Variants in PCDHGB1 observed in about 807,000 individuals in gnomAD.
The protein encoded by PCDHGB1 is protocadherin gamma subfamily B, 1.
Under a neutral mutation model 56.6 loss-of-function variants are expected in PCDHGB1, and 34 were observed. The observed-to-expected ratio is 0.60, with a 90% CI of 0.46 to 0.80. The LOEUF is 0.80. Ranked by LOEUF, PCDHGB1 falls within the 30% of genes least tolerant of loss-of-function variation. The probability of loss-of-function intolerance (pLI) is 0.00; values close to 1 mark genes in which losing one functional copy is unlikely to be tolerated. For synonymous variants in PCDHGB1, 561 were observed against 505.9 expected, an observed-to-expected ratio of 1.11 and a Z score of -1.46; for missense variants, 1,278 against 1,204.6, an observed-to-expected ratio of 1.06 and a Z score of -0.90.
At chr5:141,405,804 C>T (rs1277295024) in intron 1 of PCDHGB1, among the ~76,000 whole-genome samples, 1 of 146,338 alleles carries the variant, frequency 6.8e-6, no homozygotes, top group Non-Finnish European at 1.5e-5. Context: ...AGTTAGCTTT[C>T]TCTTTAACTG....
At chr5:141,484,866 C>T in intron 1 of PCDHGB1, 1 of 275,618 alleles carries the variant, frequency 3.6e-6, no homozygotes, top group Non-Finnish European at 6.8e-6. Flanking sequence ...GGTGGGGGAG[C>T]GTGGAGGATA....
chr5:141,509,024 C>T (rs2099873840), intron 3 of PCDHGB1, among the ~76,000 whole-genome samples: 1 of 152,108 alleles, frequency 6.6e-6, no homozygotes, highest in African/African-American at 2.4e-5. Flanking sequence ...GCTGCTCCCT[C>T]CCACTCAACC....
intron 1 of PCDHGB1, chr5:141,365,905 G>A (rs539434078): frequency 1.2e-6 from 2 of 1,614,190 alleles, no homozygotes; most frequent in East Asian, 2.2e-5. Flanking sequence ...ATGAGCAGTT[G>A]AGAGACCTAC....
intron 1 of PCDHGB1, chr5:141,374,351 A>T (rs1770409199): frequency 6.2e-7 from 1 of 1,614,022 alleles, no homozygotes; most frequent in South Asian, 1.1e-5. Flanking sequence ...CGCGGGTAGG[A>T]TAGACCGCGA....
chr5:141,378,535 T>C (rs1235721694), intron 1 of PCDHGB1: 1 of 152,092 alleles, frequency 6.6e-6, no homozygotes, highest in Non-Finnish European at 1.5e-5. Context: ...AAAATAATAA[T>C]GATAATTAAT....
intron 1 of PCDHGB1, chr5:141,400,071 GC>G: frequency 6.2e-7 from 1 of 1,613,942 alleles, no homozygotes; most frequent in Non-Finnish European, 8.5e-7. Flanking sequence ...GTGGACAGCC[GC>G]CACTCTCCGC....
chr5:141,408,055 C>T lies in PCDHGB1; in HGVS notation c.2409+55386C>T, dbSNP rs1012762205. 35 of 1,299,012 alleles carry T rather than the reference C, an allele frequency of 2.7e-5. No homozygotes were observed. In the South Asian group the frequency reaches 3.8e-4, roughly 14 times the overall value. 80.5% of individuals were successfully genotyped at this position (1,299,012 alleles called of 1,614,324 possible). On this transcript the variant is annotated intron_variant, in intron 1 of 3. Coordinates refer to ENST00000523390, the MANE Select transcript of PCDHGB1 (RefSeq NM_018922.3). ...AAAACCAGCTCCCACACAGAGCCTCCCGGCTGCGCAGACCTTTCCCAGCAC... is the reference window on the plus strand; with the variant it reads ...AAAACCAGCTCCCACACAGAGCCTCTCGGCTGCGCAGACCTTTCCCAGCAC...
intron 1 of PCDHGB1, chr5:141,357,149 G>T (rs1760487529): frequency 1.2e-6 from 2 of 1,613,452 alleles, no homozygotes; most frequent in African/African-American, 2.7e-5. Context: ...CAGGACCATG[G>T]CCAGCCCCCT....
intron 1 of PCDHGB1, among the ~76,000 whole-genome samples, chr5:141,438,370 A>G (rs2097956460): frequency 1.3e-5 from 2 of 152,004 alleles, no homozygotes; most frequent in South Asian, 4.2e-4. Context: ...CATTGAGGGC[A>G]GATATAATTT....
At position 141,351,795 on chromosome 5, in the gene PCDHGB1, C is replaced by T. The variant is rs765923211; in HGVS notation, c.1535C>T (p.Ala512Val). 9 of 1,613,360 alleles carry T rather than the reference C, an allele frequency of 5.6e-6. 1 individual carries two copies. In the East Asian group the frequency reaches 6.7e-5, roughly 12 times the overall value. ...SVSPQSGVVFAQRAFDHEQLR... is the reference protein window; with the variant it reads ...SVSPQSGVVFVQRAFDHEQLR... Reference sequence around the variant, plus strand: ...AGCCCGCAGAGCGGGGTGGTGTTCGCGCAGCGCGCCTTCGACCACGAGCAG... The same window carrying T: ...AGCCCGCAGAGCGGGGTGGTGTTCGTGCAGCGCGCCTTCGACCACGAGCAG... Residue 512 changes from alanine to valine, a missense_variant, in exon 1 of 4, where the codon GCG (alanine) becomes GTG (valine). Physicochemically the swap from Ala to Val is moderately conservative, Grantham distance 64. Coordinates refer to ENST00000523390, the MANE Select transcript of PCDHGB1 (RefSeq NM_018922.3).
Position 141,377,206 on chromosome 5 carries a change from C to T in PCDHGB1, c.2409+24537C>T, listed in dbSNP as rs192772101. The T allele has an allele frequency of 1.8e-4, 28 of 152,284 alleles. No individual in the cohort carries two copies. In the East Asian group the frequency reaches 2.5e-3, roughly 14 times the overall value. 9.4% of individuals were successfully genotyped at this position (152,284 alleles called of 1,614,324 possible). ...AACTATTTGTGTCTTGGATTGAGTA[C>T]ATCTCGTTTCTTAGGTTTTTTCCTA... On this transcript the variant is annotated intron_variant, in intron 1 of 3. Coordinates refer to ENST00000523390, the MANE Select transcript of PCDHGB1 (RefSeq NM_018922.3).
At chr5:141,405,436 T>C (rs2094666141) in intron 1 of PCDHGB1, 1 of 1,458,154 alleles carries the variant, frequency 6.9e-7, no homozygotes. Flanking sequence ...TGTTTTGTTT[T>C]TGAGACAGAG....
intron 1 of PCDHGB1, among the ~76,000 whole-genome samples, chr5:141,474,294 G>A (rs535055214): frequency 1.3e-5 from 2 of 152,296 alleles, no homozygotes; most frequent in African/African-American, 4.8e-5. Context: ...CTAGATCAGT[G>A]CTTGTCAAAC....
At chr5:141,379,593 AC>A (rs1775703652) in intron 1 of PCDHGB1, 1 of 152,152 alleles carries the variant, frequency 6.6e-6, no homozygotes, top group Non-Finnish European at 1.5e-5. Flanking sequence ...TTCTCTTATT[AC>A]CTGTGACCAT....
chr5:141,366,298 C>A, intron 1 of PCDHGB1: 1 of 1,613,766 alleles, frequency 6.2e-7, no homozygotes, highest in Non-Finnish European at 8.5e-7. Flanking sequence ...CTCTGTCAGC[C>A]ACCTTCACGG....
chr5:141,374,437 C>A (rs549456032), intron 1 of PCDHGB1: 1 of 1,613,846 alleles, frequency 6.2e-7, no homozygotes, highest in South Asian at 1.1e-5. Flanking sequence ...ATCTTTATCC[C>A]GTGGAAGTGG....
chr5:141,392,914 C>G (rs2092626800), intron 1 of PCDHGB1: 1 of 1,613,786 alleles, frequency 6.2e-7, no homozygotes. Context: ...ATTCGCTACT[C>G]TGTGCCAGAA....
At chr5:141,392,802 A>C in intron 1 of PCDHGB1, 2 of 1,572,582 alleles carry the variant, frequency 1.3e-6, no homozygotes, top group Non-Finnish European at 1.7e-6. Flanking sequence ...AGGATTCTGC[A>C]GCAAAACAAC....
At chr5:141,407,976 G>T (rs1392473551) in intron 1 of PCDHGB1, 2 of 742,146 alleles carry the variant, frequency 2.7e-6, no homozygotes, top group South Asian at 2.3e-5. Flanking sequence ...CTGACGCCGG[G>T]GATCCGTCAG....
Sources: allele counts gnomAD v4.1 joint callset (sites outside exome capture counted in the v4.1 genomes callset), GRCh38; gene constraint gnomAD v4.1.1; transcripts MANE v1.5; gene names NCBI Gene and HGNC (gene_info 2026-07-23, HGNC 2026-07-21).